Variants in KCNH7 observed in about 807,000 individuals in gnomAD.
KCNH7 encodes the protein voltage-gated inwardly rectifying potassium channel KCNH7.
A neutral mutation model predicts 120.8 loss-of-function variants in KCNH7; 49 were observed. The ratio of observed to expected loss-of-function variants is 0.41; its 90% CI spans 0.32 to 0.51. The LOEUF is 0.51. KCNH7 is among the 20% of genes least tolerant of loss of function. The pLI is 0.38. For missense variants in KCNH7, 1,097 were observed against 1,446.6 expected (o/e 0.76, Z 3.92); for synonymous variants, 547 against 516.1 (o/e 1.06, Z -0.81).
chr2:162,560,500 G>T (rs915907019), intron 2 of KCNH7, among the ~76,000 whole-genome samples: 10 of 152,182 alleles, frequency 6.6e-5, no homozygotes, highest in Admixed American at 2.0e-4. Context: ...TGGGTGGCTG[G>T]CATCCAGGGT....
At chr2:162,767,176 C>T (rs1682849829) in intron 2 of KCNH7, among the ~76,000 whole-genome samples, 1 of 151,940 alleles carries the variant, frequency 6.6e-6, no homozygotes, top group East Asian at 1.9e-4. Context: ...CAATGAATAA[C>T]CATGTACATA....
chr2:162,656,140 T>C (rs1016338368), intron 2 of KCNH7, among the ~76,000 whole-genome samples: 1 of 152,256 alleles, frequency 6.6e-6, no homozygotes, highest in African/African-American at 2.4e-5. Flanking sequence ...TCTTTTGAAA[T>C]TTGAAAGATC....
intron 2 of KCNH7, among the ~76,000 whole-genome samples, chr2:162,768,732 T>C (rs1041131535): frequency 6.6e-6 from 1 of 152,098 alleles, no homozygotes; most frequent in Non-Finnish European, 1.5e-5. Flanking sequence ...CTTCCAGCTC[T>C]TGGAAAGTGT....
intron 6 of KCNH7, among the ~76,000 whole-genome samples, chr2:162,452,563 A>G (rs1250805064): frequency 6.6e-6 from 1 of 152,000 alleles, no homozygotes; most frequent in Non-Finnish European, 1.5e-5. Context: ...AGCTTCTGTT[A>G]AGTTGGTGGA....
intron 6 of KCNH7, among the ~76,000 whole-genome samples, chr2:162,503,744 C>A (rs1468698684): frequency 2.0e-5 from 3 of 152,014 alleles, no homozygotes; most frequent in Non-Finnish European, 2.9e-5. Flanking sequence ...TGTAAAAGAA[C>A]CGCTTGCTTG....
intron 14 of KCNH7, among the ~76,000 whole-genome samples, chr2:162,376,516 C>T (rs898459941): frequency 3.9e-5 from 6 of 152,026 alleles, no homozygotes; most frequent in African/African-American, 1.4e-4. Context: ...AGGCGCCCGC[C>T]ACCACTCCCA....
chr2:162,576,280 A>G (rs1180381329), intron 2 of KCNH7, among the ~76,000 whole-genome samples: 1 of 152,090 alleles, frequency 6.6e-6, no homozygotes, highest in Non-Finnish European at 1.5e-5. Context: ...TTCAAAAGAC[A>G]AGAATAATTG....
chr2:162,427,742 A>C (rs1445306824), intron 8 of KCNH7, among the ~76,000 whole-genome samples: 1 of 151,710 alleles, frequency 6.6e-6, no homozygotes, highest in Non-Finnish European at 1.5e-5. Context: ...ATTCAGAGTT[A>C]ATTTTGTTTG....
At chr2:162,377,048 T>C (rs1686220613) in intron 14 of KCNH7, among the ~76,000 whole-genome samples, 1 of 152,170 alleles carries the variant, frequency 6.6e-6, no homozygotes. Flanking sequence ...GAATTCACAG[T>C]TCTACATTTG....
At chr2:162,440,115 T>G (rs1688375263) in intron 7 of KCNH7, among the ~76,000 whole-genome samples, 1 of 151,704 alleles carries the variant, frequency 6.6e-6, no homozygotes, top group African/African-American at 2.4e-5. Flanking sequence ...TAAAAAATTT[T>G]TGAAAAATAA....
chr2:162,583,611 T>C (rs906498249), intron 2 of KCNH7, among the ~76,000 whole-genome samples: 4 of 152,110 alleles, frequency 2.6e-5, no homozygotes, highest in African/African-American at 7.2e-5. Flanking sequence ...TAAAAGTATG[T>C]AAAATATGTG....
chr2:162,420,464 T>C (rs1031744500), intron 9 of KCNH7, among the ~76,000 whole-genome samples: 19 of 152,204 alleles, frequency 1.2e-4, no homozygotes, highest in Non-Finnish European at 2.9e-5. Context: ...CCATTTCCTT[T>C]TGTACTCTGA....
intron 6 of KCNH7, among the ~76,000 whole-genome samples, chr2:162,478,691 G>C (rs1309945061): frequency 4.6e-5 from 7 of 152,062 alleles, no homozygotes; most frequent in Admixed American, 1.3e-4. Context: ...ATGAGGTTTT[G>C]AAGGCCTTAT....
intron 2 of KCNH7, among the ~76,000 whole-genome samples, chr2:162,591,307 C>G (rs1694209626): frequency 6.6e-6 from 1 of 151,892 alleles, no homozygotes; most frequent in African/African-American, 2.4e-5. Context: ...TGCACAGACT[C>G]TCCTTCACAT....
chr2:162,547,905 C>CTGCAATA (rs56964041), intron 2 of KCNH7, among the ~76,000 whole-genome samples: 2,267 of 152,178 alleles, frequency 0.015, 59 homozygotes, highest in African/African-American at 0.052. Flanking sequence ...TAAGAGTCCC[C>CTGCAATA]TGCAATAGAT....
intron 2 of KCNH7, among the ~76,000 whole-genome samples, chr2:162,790,989 G>C (rs1411326534): frequency 6.6e-6 from 1 of 152,036 alleles, no homozygotes; most frequent in Non-Finnish European, 1.5e-5. Flanking sequence ...GCAAGGAAAA[G>C]AAATAAAAAG....
At chr2:162,562,422 T>C (rs1693105037) in intron 2 of KCNH7, among the ~76,000 whole-genome samples, 2 of 152,170 alleles carry the variant, frequency 1.3e-5, no homozygotes, top group Admixed American at 1.3e-4. Flanking sequence ...GTGAACACTG[T>C]GCAGATCCCT....
chr2:162,574,375 A>G lies in KCNH7; in HGVS notation c.308-37295T>C, dbSNP rs1237634595. ...TCTCTTTCAAACTTTAGTATTTTTT[A>G]AAGTATTAATTTTCTCTTCTTTGTA... On this transcript the variant is annotated intron_variant, in intron 2 of 15. Coordinates refer to ENST00000332142, the MANE Select transcript of KCNH7 (RefSeq NM_033272.4). 2.0e-5 allele frequency among the ~76,000 whole-genome samples: 3 copies of G among 152,008 alleles called. No homozygotes were observed. The East Asian group carries it at 5.8e-4, about 30-fold the overall frequency.
chr2:162,415,148 T>TA (rs201616548), intron 9 of KCNH7, among the ~76,000 whole-genome samples: 256 of 145,032 alleles, frequency 1.8e-3, no homozygotes, highest in East Asian at 4.6e-3. Flanking sequence ...GTCCTTTTTT[T>TA]AAAAAAAAAA....
Sources: allele counts gnomAD v4.1 joint callset (sites outside exome capture counted in the v4.1 genomes callset), GRCh38; gene constraint gnomAD v4.1.1; transcripts MANE v1.5; gene names NCBI Gene and HGNC (gene_info 2026-07-23, HGNC 2026-07-21).